Variants in NUP210 observed in about 807,000 individuals in gnomAD.
The protein encoded by NUP210 is nuclear pore membrane glycoprotein 210.
In NUP210, 151 loss-of-function variants were observed where a neutral mutation model predicts 196.0. That is an observed-to-expected ratio of 0.77 (90% confidence interval 0.67 to 0.88). The LOEUF is 0.88. NUP210 is among the 40% of genes least tolerant of loss of function. NUP210 has a pLI of 0.00. For synonymous variants in NUP210, 1,070 were observed against 1,052.7 expected, an observed-to-expected ratio of 1.02 and a Z score of -0.32; for missense variants, 2,314 against 2,493.7, an observed-to-expected ratio of 0.93 and a Z score of 1.53.
At position 13,323,970 on chromosome 3, in the gene NUP210, C is replaced by T. The variant is rs978120192; in HGVS notation, c.4645-538G>A. ...CAAGGCCACTTCCTGCAGCTGAAGGCCCCCCTCCCTCTCTCAGCAGGCACC... is the reference window on the plus strand; with the variant it reads ...CAAGGCCACTTCCTGCAGCTGAAGGTCCCCCTCCCTCTCTCAGCAGGCACC... On this transcript the variant is annotated intron_variant, in intron 33 of 39. Coordinates refer to ENST00000254508, the MANE Select transcript of NUP210 (RefSeq NM_024923.4). This position sits in a 1 kb window ranked among gnomAD's most constrained non-coding sequence, Gnocchi z 4.3. 3.3e-5 allele frequency among the ~76,000 whole-genome samples: 5 copies of T among 152,172 alleles called. No individual in the cohort carries two copies. Among genetic ancestry groups the T allele is most frequent in the African/African-American group, 1.2e-4 (5 of 41,438 alleles).
At position 13,322,318 on chromosome 3, in the gene NUP210, C is replaced by G. The variant is rs1220426514; in HGVS notation, c.4790G>C (p.Arg1597Thr). 1.2e-6 allele frequency: 2 copies of G among 1,614,244 alleles called. No individual in the cohort carries two copies. Among genetic ancestry groups the G allele is most frequent in the Admixed American group, 1.7e-5 (1 of 60,024 alleles). ...TGGGTGCAAGGCCTGGATGACTTCCCTCTGGGTGGGGGTGCACTCGCCTAG... is the reference window on the plus strand; with the variant it reads ...TGGGTGCAAGGCCTGGATGACTTCCGTCTGGGTGGGGGTGCACTCGCCTAG... Reference protein sequence around the residue: ...NLRGECTPTQREVIQALHPET... With the variant: ...NLRGECTPTQTEVIQALHPET... The change falls in exon 35 of 40, where the codon AGG becomes ACG. Residue 1597 changes from arginine (R) to threonine (T), a missense_variant. Physicochemically the swap from Arg to Thr is moderately conservative, Grantham distance 71. Coordinates refer to ENST00000254508, the MANE Select transcript of NUP210 (RefSeq NM_024923.4).
In NUP210 at chr3:13,332,378, CA is replaced by C. The variant is rs770106471; in HGVS notation, c.3849del (p.Phe1283LeufsTer11). Reference sequence around the variant, plus strand: ...TCAGGGTTGAGCAGCTGCAGCTTCTCAAACACCTGCAAGAGAGGGCAAGTTT... The same window carrying C: ...TCAGGGTTGAGCAGCTGCAGCTTCTCAACACCTGCAAGAGAGGGCAAGTTT... ...ELSDEIQVQV[F>X]EKLQLLNPEI... On this transcript the variant is annotated frameshift_variant, in exon 29 of 40. Transcript: ENST00000254508. LOFTEE classifies it high-confidence loss of function. 8.7e-6 allele frequency: 14 copies of C among 1,612,780 alleles called. No homozygotes were observed. Among genetic ancestry groups the C allele is most frequent in the Middle Eastern group, 1.7e-4 (1 of 6,058 alleles).
rs925988741 is a variant in NUP210, at chr3:13,366,109, C to A, written c.1787-18G>T. On this transcript the variant is annotated intron_variant, in intron 13 of 39. Coordinates refer to ENST00000254508, the MANE Select transcript of NUP210 (RefSeq NM_024923.4). Reference sequence around the variant, plus strand: ...CAGCCTCCCTACAGAAAGGAGAGAACTAGATGGTCACCCTGAAATCACTTT... The same window carrying A: ...CAGCCTCCCTACAGAAAGGAGAGAAATAGATGGTCACCCTGAAATCACTTT... The A allele has an allele frequency of 6.2e-7, 1 of 1,606,710 alleles. No individual in the cohort carries two copies. The highest frequency in any genetic ancestry group is 1.7e-5 in the Admixed American group (1 of 58,766).
intron 27 of NUP210, among the ~76,000 whole-genome samples, chr3:13,336,306 C>T (rs1697214616): frequency 6.6e-6 from 1 of 152,218 alleles, no homozygotes; most frequent in Non-Finnish European, 1.5e-5. Context: ...CATTTCCCCA[C>T]TGGCTTGCTG....
chr3:13,330,629 C>G lies in NUP210; in HGVS notation c.3941G>C (p.Gly1314Ala). 6.2e-7 allele frequency: 1 copy of G among 1,613,706 alleles called. No homozygotes were observed. Among genetic ancestry groups the G allele is most frequent in the Non-Finnish European group, 8.5e-7 (1 of 1,179,836 alleles). The change falls in exon 30 of 40, where the codon GGT becomes GCT. Residue 1314 changes from glycine (G) to alanine (A), a missense_variant. Gly to Ala is a moderately conservative substitution (Grantham distance 60). Coordinates refer to ENST00000254508, the MANE Select transcript of NUP210 (RefSeq NM_024923.4). ...SYIKLQTNRD[G>A]AASLSYRVLD... ...GACGCGGTAGCTCAGAGAGGCTGCA[C>G]CATCCCTTTGGAAAACAAAACAGAG... is the stretch of plus-strand genomic sequence containing the variant.
intron 20 of NUP210, 36 bp from the exon 21 acceptor site, chr3:13,343,339 T>TGGGGGGGGGTGGGGGGG: frequency 3.5e-6 from 1 of 282,522 alleles, no homozygotes. Flanking sequence ...GGGTGGGTGG[T>TGGGGGGGGGTGGGGGGG]GGGTTACGCA....
rs772578384 is a variant in NUP210, at chr3:13,337,881, C to T, written c.3508G>A (p.Val1170Met). 26 of 1,612,860 alleles carry T rather than the reference C, an allele frequency of 1.6e-5. 1 individual carries two copies. The highest frequency in any genetic ancestry group is 5.5e-5 in the South Asian group (5 of 90,994). Residue 1170 changes from valine to methionine, a missense_variant, in exon 26 of 40, where the codon GTG (valine) becomes ATG (methionine). Transcript: ENST00000254508. ...VQVEVLLLRAVRIRAPIMRMR... is the reference protein window; with the variant it reads ...VQVEVLLLRAMRIRAPIMRMR... Reference sequence around the variant, plus strand: ...CGCATGATGGGGGCGCGGATCCTCACGGCCCTTAGCAGCAGCACCTCCACC... The same window carrying T: ...CGCATGATGGGGGCGCGGATCCTCATGGCCCTTAGCAGCAGCACCTCCACC...
chr3:13,358,051 T>C (rs1338165485), intron 16 of NUP210, among the ~76,000 whole-genome samples, 171 bp downstream of exon 16: 1 of 152,190 alleles, frequency 6.6e-6, no homozygotes, highest in Non-Finnish European at 1.5e-5. Context: ...GTCCCCTGCA[T>C]ATAAAACACA....
rs557174949 is a variant in NUP210 at position 13,366,022 on chromosome 3, G to A, written c.1856C>T (p.Thr619Met). The change falls in exon 14 of 40, where the codon ACG (threonine) becomes ATG (methionine). Residue 619 changes from threonine to methionine, a missense_variant. Transcript: ENST00000254508. ...RVKAEAQGST[T>M]LLVSYRHGHV... ...GCCGTGTCTGTAGCTCACAAGAAGCGTGGTAGAGCCCTGGGCCTCGGCCTT... is the reference window on the plus strand; with the variant it reads ...GCCGTGTCTGTAGCTCACAAGAAGCATGGTAGAGCCCTGGGCCTCGGCCTT... The A allele has an allele frequency of 1.4e-4, 219 of 1,614,216 alleles. 2 individuals carry two copies. In the South Asian group the frequency reaches 2.1e-3, roughly 16 times the overall value.
Position 13,354,048 on chromosome 3 carries a change from G to T in NUP210, c.2388C>A (p.Gly796=). The change falls in exon 17 of 40, where the codon GGC becomes GGA. Residue 796 remains glycine, a synonymous_variant. Coordinates refer to ENST00000254508, the MANE Select transcript of NUP210 (RefSeq NM_024923.4). ...RLDLAAYDQE[G]RRFDNFSSLS... ...GAGAGCTGAAGTTGTCGAACCGGCG[G>T]CCCTCCTGGTCGTAAGCAGCCAGGT... 1 of 1,605,902 alleles carries T rather than the reference G, an allele frequency of 6.2e-7. No individual in the cohort carries two copies.
rs185505956 is a variant in NUP210, at chr3:13,391,030, C to T, written c.533+181G>A. On this transcript the variant is annotated intron_variant, in intron 4 of 39. Coordinates refer to ENST00000254508, the MANE Select transcript of NUP210 (RefSeq NM_024923.4). The stretch of plus-strand genomic sequence containing the variant: ...GGGGCTGCAGAAGCAGCCAGGCTCC[C>T]GCACAATGGTGTGAGTGGATCCCAT... 8.7e-3 allele frequency among the ~76,000 whole-genome samples: 1,327 copies of T among 152,308 alleles called. 8 individuals are homozygous for T. Among genetic ancestry groups the T allele is most frequent in the Non-Finnish European group, 0.013 (890 of 68,022 alleles).
At chr3:13,342,271 A>G (rs1697541756) in intron 21 of NUP210, 148 bp from the exon 22 acceptor site, 1 of 955,898 alleles carries the variant, frequency 1.0e-6, no homozygotes. Flanking sequence ...CTTCTGGACT[A>G]TCAGCCAGTC....
chr3:13,368,456 T>G (rs745462115), intron 13 of NUP210, among the ~76,000 whole-genome samples: 2 of 152,236 alleles, frequency 1.3e-5, no homozygotes, highest in Non-Finnish European at 2.9e-5. Flanking sequence ...CATAACACCT[T>G]TTGTGTGTAT....
At chr3:13,370,746 C>T (rs920167167) in intron 13 of NUP210, among the ~76,000 whole-genome samples, 1 of 152,260 alleles carries the variant, frequency 6.6e-6, no homozygotes, top group Non-Finnish European at 1.5e-5. Context: ...TGTGCAGCTT[C>T]AAACTGCAAA....
rs781060054 is a variant in NUP210 at position 13,375,638 on chromosome 3, C to T, written c.1297G>A (p.Gly433Arg). The T allele has an allele frequency of 6.2e-7, 1 of 1,613,456 alleles. No homozygotes were observed. Among genetic ancestry groups the T allele is most frequent in the Non-Finnish European group, 8.5e-7 (1 of 1,179,794 alleles). The change falls in exon 11 of 40, where the codon GGA becomes AGA. Residue 433 changes from glycine (G) to arginine (R), a missense_variant. Coordinates refer to ENST00000254508, the MANE Select transcript of NUP210 (RefSeq NM_024923.4). ...AALTSVVDQD[G>R]GVHILQVPVW... ...GGCACCTGTAGTATGTGGACCCCTC[C>T]ATCCTACAAGGGGTGAGGGTGCCAC... is the stretch of plus-strand genomic sequence containing the variant.
At chr3:13,322,797 G>A (rs1005030036) in intron 34 of NUP210, among the ~76,000 whole-genome samples, 5 of 152,224 alleles carry the variant, frequency 3.3e-5, no homozygotes, top group African/African-American at 1.2e-4. Flanking sequence ...GAGCTGCCTC[G>A]TTAATCAGGA....
intron 11 of NUP210, among the ~76,000 whole-genome samples, chr3:13,374,223 C>G (rs1202542383): frequency 1.3e-5 from 2 of 152,158 alleles, no homozygotes; most frequent in Non-Finnish European, 2.9e-5. Context: ...TACACATGCT[C>G]ACTTACATTT....
At chr3:13,412,247 T>TTTTTTTTTTTTTTTTA (rs1553605356) in intron 1 of NUP210, among the ~76,000 whole-genome samples, 3 of 135,644 alleles carry the variant, frequency 2.2e-5, no homozygotes, top group African/African-American at 6.5e-5. Flanking sequence ...TTTTTTTTTT[T>TTTTTTTTTTTTTTTTA]AGTAGAGACA....
At chr3:13,411,656 G>A (rs910765105) in intron 1 of NUP210, among the ~76,000 whole-genome samples, 7 of 152,092 alleles carry the variant, frequency 4.6e-5, no homozygotes, top group Non-Finnish European at 8.8e-5. Context: ...TGCACCTGCC[G>A]ACGGCCCCTC....
Sources: allele counts gnomAD v4.1 joint callset (sites outside exome capture counted in the v4.1 genomes callset), GRCh38; gene constraint gnomAD v4.1.1; non-coding constraint Gnocchi (gnomAD v3.1); transcripts MANE v1.5; gene names NCBI Gene and HGNC (gene_info 2026-07-23, HGNC 2026-07-21).